The following C8orf34 variants were observed in gnomAD, a reference collection of about 807,000 sequenced individuals.
C8orf34 encodes uncharacterized protein C8orf34.
Under a neutral mutation model 68.3 loss-of-function variants are expected in C8orf34, and 65 were observed. That is an observed-to-expected ratio of 0.95 (90% CI 0.78 to 1.17). The LOEUF is 1.17. Among genes scored for constraint, C8orf34 ranks in the 50% most tolerant of loss-of-function variants. The pLI is 0.00. For synonymous variants in C8orf34, 244 were observed against 241.2 expected (o/e 1.01, Z -0.11); for missense variants, 664 against 655.4 (o/e 1.01, Z -0.14).
At chr8:68,504,699 T>G (rs1236850320) in intron 5 of C8orf34, among the ~76,000 whole-genome samples, 1 of 147,376 alleles carries the variant, frequency 6.8e-6, no homozygotes, top group Non-Finnish European at 1.5e-5. Flanking sequence ...TTTTTTTTTT[T>G]GAGACAGTCT....
chr8:68,616,022 G>A (rs1411186670), intron 7 of C8orf34, among the ~76,000 whole-genome samples: 9 of 150,920 alleles, frequency 6.0e-5, no homozygotes, highest in Admixed American at 2.6e-4. Context: ...GTCTTGGGAG[G>A]GTGTACGTGT....
chr8:68,366,540 C>A (rs1313067014), intron 1 of C8orf34, among the ~76,000 whole-genome samples: 1 of 151,092 alleles, frequency 6.6e-6, no homozygotes, highest in Admixed American at 6.6e-5. Flanking sequence ...GTACTGGTAC[C>A]AAAACAGAGA....
At chr8:68,686,648 T>C (rs1005799526) in intron 8 of C8orf34, among the ~76,000 whole-genome samples, 2 of 152,034 alleles carry the variant, frequency 1.3e-5, no homozygotes, top group Non-Finnish European at 2.9e-5. Flanking sequence ...AATTTATATA[T>C]GAAACACCCA....
chr8:68,466,064 G>A (rs1563462818), intron 3 of C8orf34, among the ~76,000 whole-genome samples: 1 of 150,142 alleles, frequency 6.7e-6, no homozygotes, highest in Non-Finnish European at 1.5e-5. Context: ...ATGAAATCAT[G>A]TCATTCTCAG....
At chr8:68,753,998 G>T (rs534311108) in intron 10 of C8orf34, among the ~76,000 whole-genome samples, 4 of 152,174 alleles carry the variant, frequency 2.6e-5, no homozygotes, top group African/African-American at 9.6e-5. Context: ...CTCTGAGAAT[G>T]AACCTCCCAC....
At chr8:68,699,998 T>C (rs915952858) in intron 8 of C8orf34, among the ~76,000 whole-genome samples, 5 of 152,100 alleles carry the variant, frequency 3.3e-5, no homozygotes, top group Admixed American at 3.3e-4. Flanking sequence ...TTCTTGCGAA[T>C]GAGAGAGAAT....
At position 68,387,744 on chromosome 8, in the gene C8orf34, T is replaced by C. The variant is rs551573469; in HGVS notation, c.328-51755T>C. 1.8e-4 allele frequency among the ~76,000 whole-genome samples: 28 copies of C among 152,312 alleles called. No individual in the cohort carries two copies. In the South Asian group the frequency reaches 5.4e-3, roughly 29 times the overall value. ...AGCCAAAAGTAGTCAAAATAGCTCATTCTTTGATCTACCTATCTCATCATT... is the reference window on the plus strand; with the variant it reads ...AGCCAAAAGTAGTCAAAATAGCTCACTCTTTGATCTACCTATCTCATCATT... On this transcript the variant is annotated intron_variant, in intron 1 of 13. Transcript: ENST00000518698.
intron 8 of C8orf34, among the ~76,000 whole-genome samples, chr8:68,679,851 T>C (rs1475990570): frequency 2.0e-5 from 3 of 152,150 alleles, no homozygotes; most frequent in South Asian, 4.1e-4. Context: ...TTTCAATAAA[T>C]GGTGCTGGGA....
chr8:68,409,251 C>G (rs530154917), intron 1 of C8orf34, among the ~76,000 whole-genome samples: 3 of 152,252 alleles, frequency 2.0e-5, no homozygotes, highest in East Asian at 3.9e-4. Flanking sequence ...CTGGAAAACA[C>G]TCTTAGGCAG....
chr8:68,502,764 T>C (rs1432936820), intron 5 of C8orf34, among the ~76,000 whole-genome samples: 1 of 152,186 alleles, frequency 6.6e-6, no homozygotes, highest in Non-Finnish European at 1.5e-5. Flanking sequence ...TTGGCAATGG[T>C]AGTACATTAA....
chr8:68,595,767 A>C (rs1415834080), intron 7 of C8orf34, among the ~76,000 whole-genome samples: 1 of 152,048 alleles, frequency 6.6e-6, no homozygotes, highest in African/African-American at 2.4e-5. Flanking sequence ...AATTTTTAAA[A>C]ATTATTTTCA....
At chr8:68,683,433 G>A (rs1820425666) in intron 8 of C8orf34, among the ~76,000 whole-genome samples, 1 of 151,736 alleles carries the variant, frequency 6.6e-6, no homozygotes. Flanking sequence ...GTACTGATCT[G>A]TTTCTGTACC....
chr8:68,621,368 A>G (rs1818383923), intron 7 of C8orf34, among the ~76,000 whole-genome samples: 1 of 152,174 alleles, frequency 6.6e-6, no homozygotes, highest in African/African-American at 2.4e-5. Flanking sequence ...TATTTTTCCT[A>G]CCCAAATGAT....
intron 10 of C8orf34, among the ~76,000 whole-genome samples, chr8:68,747,803 A>G (rs890458019): frequency 2.6e-5 from 4 of 151,498 alleles, no homozygotes; most frequent in African/African-American, 9.7e-5. Flanking sequence ...GAAAATGGCC[A>G]TACTGCCCAA....
At chr8:68,783,075 AAAAAAG>A (rs1167869547) in intron 11 of C8orf34, among the ~76,000 whole-genome samples, 1 of 151,500 alleles carries the variant, frequency 6.6e-6, no homozygotes, top group Non-Finnish European at 1.5e-5. Context: ...CTCAAAAAAA[AAAAAAG>A]AAAAAAGAAA....
chr8:68,818,206 C>A (rs1230287018), intron 13 of C8orf34, 33 bp from the exon 14 acceptor site: 1 of 1,609,548 alleles, frequency 6.2e-7, no homozygotes, highest in Non-Finnish European at 8.5e-7. Context: ...TGTTATTAAG[C>A]ACATTTTCTT....
intron 10 of C8orf34, among the ~76,000 whole-genome samples, chr8:68,759,485 A>G (rs990958891): frequency 3.0e-4 from 45 of 152,202 alleles, no homozygotes; most frequent in African/African-American, 1.0e-3. Context: ...TGTGGGACTT[A>G]TATTTCCAGC....
intron 8 of C8orf34, among the ~76,000 whole-genome samples, chr8:68,692,125 T>C (rs1174474565): frequency 6.6e-6 from 1 of 151,848 alleles, no homozygotes; most frequent in African/African-American, 2.4e-5. Flanking sequence ...GATCAGAGGG[T>C]AGGATAAGCT....
At chr8:68,796,332 G>T (rs1375520343) in intron 12 of C8orf34, among the ~76,000 whole-genome samples, 6 of 152,102 alleles carry the variant, frequency 3.9e-5, no homozygotes, top group Non-Finnish European at 1.5e-5. Flanking sequence ...GATTTTTGGA[G>T]ATTCCTATAC....
Sources: allele counts gnomAD v4.1 joint callset (sites outside exome capture counted in the v4.1 genomes callset), GRCh38; gene constraint gnomAD v4.1.1; transcripts MANE v1.5; gene names NCBI Gene and HGNC (gene_info 2026-07-23, HGNC 2026-07-21).